Variants in CSMD1 observed in about 807,000 individuals in gnomAD.
CSMD1 encodes the protein CUB and Sushi multiple domains 1, also known as CUB and sushi domain-containing protein 1.
A neutral mutation model predicts 417.5 loss-of-function variants in CSMD1; 213 were observed. That is an observed-to-expected ratio of 0.51 (90% CI 0.46 to 0.57). The LOEUF (loss-of-function observed/expected upper bound fraction) is 0.57, where lower values mean the gene tolerates loss of function less well. CSMD1 is among the 20% of genes least tolerant of loss of function. The pLI is 0.00. For missense variants in CSMD1, 6,923 were observed against 4,529.7 expected, an observed-to-expected ratio of 1.53 and a Z score of -15.17; for synonymous variants, 2,862 against 1,736.8, an observed-to-expected ratio of 1.65 and a Z score of -16.11.
intron 6 of CSMD1, among the ~76,000 whole-genome samples, chr8:3,734,520 A>T (rs1452805775): frequency 6.6e-6 from 1 of 152,124 alleles, no homozygotes; most frequent in Non-Finnish European, 1.5e-5. Flanking sequence ...AGACCAACCT[A>T]ACCAACTTGG....
At chr8:4,526,050 T>A (rs1796497216) in intron 2 of CSMD1, among the ~76,000 whole-genome samples, 1 of 152,180 alleles carries the variant, frequency 6.6e-6, no homozygotes, top group Non-Finnish European at 1.5e-5. Flanking sequence ...GAATTATCTT[T>A]ACTCTAGGCT....
rs142215371 is a variant in CSMD1, at chr8:3,965,995, T to C, written c.818+31908A>G. Among the ~76,000 whole-genome samples the C allele has an allele frequency of 6.8e-4, 104 of 152,270 alleles. 1 individual carries two copies. The East Asian group carries it at 0.017, about 25-fold the overall frequency. ...TAATTTAGCGAGAATAAAATGTTAA[T>C]ATGAAGCATAGATTCAATTTTAGAA... On this transcript the variant is annotated intron_variant, in intron 5 of 69. Coordinates refer to ENST00000635120, the MANE Select transcript of CSMD1 (RefSeq NM_033225.6).
chr8:3,182,227 T>C lies in CSMD1; in HGVS notation c.5621-1013A>G, dbSNP rs564308714. 4.0e-4 allele frequency among the ~76,000 whole-genome samples: 61 copies of C among 152,300 alleles called. 1 individual carries two copies. In the South Asian group the frequency reaches 7.0e-3, roughly 18 times the overall value. On this transcript the variant is annotated intron_variant, in intron 36 of 69. Coordinates refer to ENST00000635120, the MANE Select transcript of CSMD1 (RefSeq NM_033225.6). The stretch of plus-strand genomic sequence containing the variant: ...TTGTCTATCATCCTTAGCTCACCAC[T>C]TAAACTATCCAATATCCCCCAACAG...
chr8:4,018,458 A>G (rs1056298232), intron 4 of CSMD1, among the ~76,000 whole-genome samples: 1 of 152,132 alleles, frequency 6.6e-6, no homozygotes, highest in Non-Finnish European at 1.5e-5. Flanking sequence ...CTGTCAACAC[A>G]GCTGTACCTA....
intron 3 of CSMD1, among the ~76,000 whole-genome samples, chr8:4,320,257 G>C (rs1267464268): frequency 6.6e-6 from 1 of 152,104 alleles, no homozygotes; most frequent in African/African-American, 2.4e-5. Context: ...AGGAAAATAA[G>C]ACCCACAACA....
chr8:4,134,112 TAAG>T, intron 3 of CSMD1, among the ~76,000 whole-genome samples: 1 of 152,314 alleles, frequency 6.6e-6, no homozygotes, highest in Non-Finnish European at 1.5e-5. Flanking sequence ...ATTGCTGGTA[TAAG>T]AATATCAAAT....
chr8:4,025,779 A>G (rs927516683), intron 4 of CSMD1, among the ~76,000 whole-genome samples: 1 of 152,194 alleles, frequency 6.6e-6, no homozygotes, highest in Non-Finnish European at 1.5e-5. Context: ...TTTAAGGGAC[A>G]CAGTTTTAAG....
chr8:4,120,769 A>G (rs572494046), intron 3 of CSMD1, among the ~76,000 whole-genome samples: 11 of 152,340 alleles, frequency 7.2e-5, no homozygotes, highest in African/African-American at 2.4e-4. Flanking sequence ...ACACCTAGTT[A>G]AAACATGTCA....
chr8:4,134,745 A>G (rs946266937), intron 3 of CSMD1, among the ~76,000 whole-genome samples: 2 of 152,126 alleles, frequency 1.3e-5, no homozygotes, highest in Admixed American at 1.3e-4. Flanking sequence ...CCTGACATTC[A>G]TGTCTCCAAT....
chr8:4,689,471 A>C (rs191779438), intron 1 of CSMD1, among the ~76,000 whole-genome samples: 12 of 151,430 alleles, frequency 7.9e-5, no homozygotes. Context: ...ATTTGTGGGG[A>C]AAAAAGGGTT....
rs145116142 is a variant in CSMD1, at chr8:3,059,206, A to G, written c.7475-6559T>C. ...GGCTTGTTAAGAACTAAAAAAAAAT[A>G]AGGAAAAATATTAAAAGTAACATAA... is the stretch of plus-strand genomic sequence containing the variant. On this transcript the variant is annotated intron_variant, in intron 49 of 69. Transcript: ENST00000635120. Among the ~76,000 whole-genome samples the G allele has an allele frequency of 1.2e-3, 178 of 152,056 alleles. 1 individual carries two copies. The Middle Eastern group carries it at 0.014, about 12-fold the overall frequency.
rs181087010 is a variant in CSMD1 at position 4,167,032 on chromosome 8, G to A, written c.416-134933C>T. ...TGAAATCTTTTTGTGTTTCCCAGGG[G>A]ACTGCTAGAAAACAGCAACAAACGG... On this transcript the variant is annotated intron_variant, in intron 3 of 69. Coordinates refer to ENST00000635120, the MANE Select transcript of CSMD1 (RefSeq NM_033225.6). Among the ~76,000 whole-genome samples, 407 of 152,206 alleles carry A rather than the reference G, an allele frequency of 2.7e-3. 1 individual carries two copies. The highest frequency in any genetic ancestry group is 9.1e-3 in the African/African-American group (377 of 41,518).
intron 12 of CSMD1, among the ~76,000 whole-genome samples, chr8:3,465,819 G>C (rs1816763326): frequency 6.6e-6 from 1 of 152,302 alleles, no homozygotes; most frequent in Admixed American, 6.5e-5. Flanking sequence ...TTGCATAGCA[G>C]TTTGTCTAGG....
intron 3 of CSMD1, among the ~76,000 whole-genome samples, chr8:4,118,939 G>A (rs7841829): frequency 1.1e-4 from 17 of 152,258 alleles, no homozygotes; most frequent in African/African-American, 3.6e-4. Context: ...ATTTCCTTTG[G>A]GGGGACATGG....
At chr8:4,022,285 A>G (rs1796828915) in intron 4 of CSMD1, among the ~76,000 whole-genome samples, 2 of 151,672 alleles carry the variant, frequency 1.3e-5, no homozygotes, top group Admixed American at 1.3e-4. Context: ...TATGTATTTC[A>G]GATTTCAGAC....
intron 40 of CSMD1, 110 bp from the exon 41 acceptor site, chr8:3,142,784 T>C (rs1365447217): frequency 3.2e-6 from 3 of 945,698 alleles, no homozygotes; most frequent in Non-Finnish European, 5.0e-6. Context: ...TCCCTCTCTG[T>C]GAGACAGAAC....
chr8:4,764,706 T>C (rs1482428097), intron 1 of CSMD1, among the ~76,000 whole-genome samples: 1 of 150,098 alleles, frequency 6.7e-6, no homozygotes, highest in Non-Finnish European at 1.5e-5. Flanking sequence ...AACCCATCTC[T>C]ACTAAAAATA....
intron 30 of CSMD1, among the ~76,000 whole-genome samples, chr8:3,212,809 T>C (rs1465325999): frequency 6.6e-6 from 1 of 150,612 alleles, no homozygotes; most frequent in Non-Finnish European, 1.5e-5. Context: ...GTTTTGCTTG[T>C]TTGATTTTAG....
intron 3 of CSMD1, among the ~76,000 whole-genome samples, chr8:4,371,443 T>C (rs542582085): frequency 1.3e-5 from 2 of 152,314 alleles, no homozygotes; most frequent in South Asian, 2.1e-4. Flanking sequence ...AAGGAGGAAA[T>C]GGAGCAGAGG....
Sources: allele counts gnomAD v4.1 joint callset (sites outside exome capture counted in the v4.1 genomes callset), GRCh38; gene constraint gnomAD v4.1.1; transcripts MANE v1.5; gene names NCBI Gene and HGNC (gene_info 2026-07-23, HGNC 2026-07-21).